COG4: variants seen among roughly 807,000 people sequenced by gnomAD.
The protein encoded by COG4 is component of oligomeric golgi complex 4, also known as conserved oligomeric Golgi complex subunit 4.
Under a neutral mutation model 95.1 loss-of-function variants are expected in COG4, and 65 were observed. That is an observed-to-expected ratio of 0.68 (90% CI 0.56 to 0.84). The LOEUF is 0.84. COG4 is among the 40% of genes least tolerant of loss of function. The pLI is 0.00. For missense variants in COG4, 1,045 were observed against 989.1 expected (o/e 1.06, Z -0.76); for synonymous variants, 421 against 374.8 (o/e 1.12, Z -1.42).
intron 9 of COG4, among the ~76,000 whole-genome samples, chr16:70,498,577 A>G (rs140746965): frequency 0.032 from 4,831 of 152,196 alleles, 283 homozygotes; most frequent in African/African-American, 0.11. Context: ...CGCCTGCCTC[A>G]GCCTCCCAAA....
At chr16:70,489,115 C>G (rs2049192736) in intron 13 of COG4, among the ~76,000 whole-genome samples, 1 of 152,154 alleles carries the variant, frequency 6.6e-6, no homozygotes, top group Non-Finnish European at 1.5e-5. Context: ...CTTCCTTCCT[C>G]TAAAAATAAC....
chr16:70,512,570 C>A (rs2049731836), intron 4 of COG4, 138 bp from the exon 5 acceptor site: 2 of 743,272 alleles, frequency 2.7e-6, no homozygotes, highest in South Asian at 1.5e-5. Flanking sequence ...TAGTAATATG[C>A]ATGATTACAA....
chr16:70,487,323 G>A (rs541539226), intron 13 of COG4, among the ~76,000 whole-genome samples: 2 of 151,350 alleles, frequency 1.3e-5, no homozygotes, highest in East Asian at 1.9e-4. Flanking sequence ...AAGGCCAGGC[G>A]AGGTGGTTCA....
rs980947238 is a variant in COG4, at chr16:70,492,617, C to T, written c.1648-2225G>A. ...CAGAGGTTGCAGTGAGCCAAGATCG[C>T]GCCATTGCACTCCAGCCTGTGCAAC... On this transcript the variant is annotated intron_variant, in intron 12 of 18. Transcript: ENST00000323786. 4.0e-5 allele frequency among the ~76,000 whole-genome samples: 6 copies of T among 149,966 alleles called. No homozygotes were observed. In the South Asian group the frequency reaches 1.1e-3, roughly 26 times the overall value.
At chr16:70,492,281 T>A (rs1045295152) in intron 12 of COG4, among the ~76,000 whole-genome samples, 1 of 152,122 alleles carries the variant, frequency 6.6e-6, no homozygotes, top group East Asian at 1.9e-4. Flanking sequence ...AAAAATGAAT[T>A]CAGGTCTCCC....
At chr16:70,496,184 G>A (rs1386316480) in intron 12 of COG4, 82 bp downstream of exon 12, 41 of 1,450,846 alleles carry the variant, frequency 2.8e-5, no homozygotes, top group Non-Finnish European at 3.8e-5. Flanking sequence ...TCTAGCTAGA[G>A]GCCAATTATA....
rs1446444255 is a variant in COG4, at chr16:70,512,443, G to A, written c.545-11C>T. ...CATCAATCATGCTCCCTGCTCAACA[G>A]GGAGAAAATGAAAATTCAAGTAAAG... On this transcript the variant is annotated splice_polypyrimidine_tract_variant and intron_variant, in intron 4 of 18. Coordinates refer to ENST00000323786, the MANE Select transcript of COG4 (RefSeq NM_015386.3). 2 of 1,611,026 alleles carry A rather than the reference G, an allele frequency of 1.2e-6. No homozygotes were observed. Among genetic ancestry groups the A allele is most frequent in the Non-Finnish European group, 1.7e-6 (2 of 1,178,090 alleles).
intron 13 of COG4, among the ~76,000 whole-genome samples, chr16:70,487,031 C>T (rs1360557491): frequency 2.0e-5 from 3 of 151,352 alleles, no homozygotes; most frequent in Non-Finnish European, 4.4e-5. Context: ...TGGCTCACAC[C>T]TGTAATCCCA....
intron 1 of COG4, among the ~76,000 whole-genome samples, chr16:70,521,809 C>A (rs1460075886): frequency 6.6e-6 from 1 of 150,380 alleles, no homozygotes; most frequent in Non-Finnish European, 1.5e-5. Flanking sequence ...TCACGCCATT[C>A]TCCTGCCTCA....
rs1281119883 is a variant in COG4, at chr16:70,497,488, C to T, written c.1315-101G>A. 3 of 1,145,706 alleles carry T rather than the reference C, an allele frequency of 2.6e-6. No individual in the cohort carries two copies. In the African/African-American group the frequency reaches 4.6e-5, roughly 17 times the overall value. The allele number at this position is 1,145,706 out of a possible 1,614,324, so 71.0% of individuals were successfully genotyped here. The stretch of plus-strand genomic sequence containing the variant: ...CCCTAGCTCTGCTCCCTTTTCTGTA[C>T]CTTGTCCATGTTTCTCCCAACATGG... On this transcript the variant is annotated intron_variant, in intron 10 of 18. Coordinates refer to ENST00000323786, the MANE Select transcript of COG4 (RefSeq NM_015386.3).
At chr16:70,496,678 T>TA (rs1472247982) in intron 11 of COG4, among the ~76,000 whole-genome samples, 1 of 152,206 alleles carries the variant, frequency 6.6e-6, no homozygotes, top group Non-Finnish European at 1.5e-5. Flanking sequence ...ATGAGGCTTT[T>TA]AGCCATCACC....
In COG4 at chr16:70,523,393, C is replaced by T. The variant is rs201370408; in HGVS notation, c.151G>A (p.Glu51Lys). The stretch of plus-strand genomic sequence containing the variant: ...CGCACCTCCTCGCCGCAGAGCCGTT[C>T]GTATACAGCCTCCAGCTCCTGCAGC... ...TELQELEAVYERLCGEEKVVE... is the reference protein window; with the variant it reads ...TELQELEAVYKRLCGEEKVVE... Residue 51 changes from glutamate (E) to lysine (K), a missense_variant, in exon 1 of 19, where the codon GAA (glutamate) becomes AAA (lysine). Transcript: ENST00000323786. The T allele has an allele frequency of 6.2e-7, 1 of 1,614,170 alleles. No individual in the cohort carries two copies. Among genetic ancestry groups the T allele is most frequent in the South Asian group, 1.1e-5 (1 of 91,080 alleles).
At chr16:70,485,146 G>A (rs534046013) in intron 13 of COG4, among the ~76,000 whole-genome samples, 1 of 151,696 alleles carries the variant, frequency 6.6e-6, no homozygotes, top group Admixed American at 6.6e-5. Flanking sequence ...AAGGTAGGAG[G>A]ATTGCTGGAG....
rs746781437 is a variant in COG4 at position 70,517,587 on chromosome 16, C to CAAA, written c.369+36_369+38dup. ...TAGGTGACAGAGCAAGACCCTGTCT[C>CAAA]AAAAAAAAAAAAAAAAAAAAAAAAG... is the stretch of plus-strand genomic sequence containing the variant. On this transcript the variant is annotated intron_variant, in intron 3 of 18. Transcript: ENST00000323786. The CAAA allele has an allele frequency of 3.1e-3, 1,566 of 507,418 alleles. 12 individuals are homozygous for CAAA. The highest frequency in any genetic ancestry group is 6.2e-3 in the African/African-American group (160 of 25,716). The allele number at this position is 507,418 out of a possible 1,614,324, so 31.4% of individuals were successfully genotyped here. A position where few individuals can be genotyped will look rare whatever the true frequency, so the allele number is the denominator to read the frequency against.
In COG4 at chr16:70,481,092, C is replaced by T. The variant is rs543968780; in HGVS notation, c.2288G>A (p.Arg763His). 2.9e-5 allele frequency: 46 copies of T among 1,613,428 alleles called. No individual in the cohort carries two copies. Among genetic ancestry groups the T allele is most frequent in the East Asian group, 6.7e-5 (3 of 44,874 alleles). ...CTGGCGCACTTCAGCAGGGGTGAGG[C>T]GCCACGTCAATGGGCCGGAATTGGG... is the stretch of plus-strand genomic sequence containing the variant. ...WGPNSGPLTWRLTPAEVRQVL... is the reference protein window; with the variant it reads ...WGPNSGPLTWHLTPAEVRQVL... The change falls in exon 19 of 19, where the codon CGC (arginine) becomes CAC (histidine). Residue 763 changes from arginine to histidine, a missense_variant. By Grantham distance (29) the Arg-to-His change is conservative. Transcript: ENST00000323786.
At chr16:70,510,286 C>T (rs748503034) in intron 5 of COG4, among the ~76,000 whole-genome samples, 14 of 152,142 alleles carry the variant, frequency 9.2e-5, no homozygotes, top group Non-Finnish European at 1.3e-4. Flanking sequence ...GGGAGAGAGT[C>T]CCCAGTTTCA....
chr16:70,511,451 G>T (rs1385035482), intron 5 of COG4, among the ~76,000 whole-genome samples: 1 of 152,012 alleles, frequency 6.6e-6, no homozygotes, highest in Non-Finnish European at 1.5e-5. Flanking sequence ...ACGGCCAGGT[G>T]GGGTGGTAGT....
chr16:70,482,552 C>T (rs2049020113), intron 15 of COG4, 177 bp downstream of exon 15: 2 of 678,910 alleles, frequency 2.9e-6, no homozygotes, highest in African/African-American at 1.8e-5. Flanking sequence ...TTTCTGAGCC[C>T]TTCTGACTAG....
At chr16:70,482,004 C>G in intron 16 of COG4, 88 bp downstream of exon 16, 4 of 1,379,028 alleles carry the variant, frequency 2.9e-6, no homozygotes. Context: ...TTCAGGGTCC[C>G]CAGAAGGAAT....
Sources: gnomAD v4.1 joint callset for allele counts (sites outside exome capture counted in the v4.1 genomes callset) on GRCh38, gnomAD v4.1.1 for gene constraint, MANE v1.5 for transcripts, NCBI Gene and HGNC (gene_info 2026-07-23, HGNC 2026-07-21) for gene names.